The following SMIM14 variants were observed in gnomAD, a reference collection of about 807,000 sequenced individuals.
The protein encoded by SMIM14 is chromosome 4 open reading frame 34.
Under a neutral mutation model 12.6 loss-of-function variants are expected in SMIM14, and 5 were observed. The ratio of observed to expected loss-of-function variants is 0.40; its 90% CI spans 0.21 to 0.83. The LOEUF (loss-of-function observed/expected upper bound fraction) is 0.83, where lower values mean the gene tolerates loss of function less well. Among genes scored for constraint, SMIM14 ranks in the 40% least tolerant of loss-of-function variants. The pLI is 0.37. For synonymous variants in SMIM14, 30 were observed against 40.1 expected (o/e 0.75, Z 0.95); for missense variants, 86 against 119.1 (o/e 0.72, Z 1.29).
chr4:39,621,989 C>T (rs1715513884), intron 1 of SMIM14, among the ~76,000 whole-genome samples: 1 of 151,334 alleles, frequency 6.6e-6, no homozygotes, highest in Non-Finnish European at 1.5e-5. Flanking sequence ...GCCTCATTTT[C>T]TTTCTTAATA....
intron 2 of SMIM14, among the ~76,000 whole-genome samples, chr4:39,582,123 G>A (rs898977298): frequency 1.5e-3 from 230 of 151,774 alleles, no homozygotes; most frequent in Middle Eastern, 3.4e-3. Context: ...TGCCCGCCTC[G>A]GCCTCCCAAA....
At chr4:39,636,173 CAAAAAAA>C (rs749292775) in intron 1 of SMIM14, among the ~76,000 whole-genome samples, 5 of 76,344 alleles carry the variant, frequency 6.5e-5, no homozygotes, top group Admixed American at 1.8e-4. Flanking sequence ...CTCCATCTCC[CAAAAAAA>C]AAAAAAAAAA....
chr4:39,620,487 A>T (rs1715444986), intron 1 of SMIM14, among the ~76,000 whole-genome samples: 1 of 152,076 alleles, frequency 6.6e-6, no homozygotes, highest in South Asian at 2.1e-4. Flanking sequence ...CAAAAAAAAA[A>T]TTATTTAAAA....
chr4:39,558,533 C>A lies in SMIM14; in HGVS notation c.125-1963G>T, dbSNP rs1162295766. On this transcript the variant is annotated intron_variant, in intron 3 of 4. Coordinates refer to ENST00000295958, the MANE Select transcript of SMIM14 (RefSeq NM_174921.3). This position sits in a 1 kb window ranked among gnomAD's most constrained non-coding sequence, Gnocchi z 4.3. ...CCTTTTCAGGCATATACACAGTGGG[C>A]TCCGTGGGAACTTGCATAGGGCGGA... Among the ~76,000 whole-genome samples the A allele has an allele frequency of 6.6e-6, 1 of 152,154 alleles. No individual in the cohort carries two copies. Among genetic ancestry groups the A allele is most frequent in the Non-Finnish European group, 1.5e-5 (1 of 68,018 alleles).
At chr4:39,563,732 T>C (rs893093625) in intron 3 of SMIM14, among the ~76,000 whole-genome samples, 9 of 152,208 alleles carry the variant, frequency 5.9e-5, no homozygotes, top group African/African-American at 1.7e-4. Flanking sequence ...TGGACTAGTA[T>C]AGCATTTCTA....
At chr4:39,576,729 C>T (rs1381262406) in intron 2 of SMIM14, among the ~76,000 whole-genome samples, 6 of 71,632 alleles carry the variant, frequency 8.4e-5, no homozygotes, top group African/African-American at 2.1e-4. Flanking sequence ...TTTTTTGAGA[C>T]GGAGTCTTGC....
chr4:39,627,598 T>C (rs181835603), intron 1 of SMIM14, among the ~76,000 whole-genome samples: 50 of 152,338 alleles, frequency 3.3e-4, no homozygotes, highest in African/African-American at 1.2e-3. Flanking sequence ...GTTTTAAAAC[T>C]TGGGGTCAGT....
intron 2 of SMIM14, among the ~76,000 whole-genome samples, chr4:39,579,847 A>AAG (rs1713406405): frequency 6.6e-6 from 1 of 151,228 alleles, no homozygotes; most frequent in Non-Finnish European, 1.5e-5. Context: ...CCGTCTCAAA[A>AAG]AAAAAAAAAA....
chr4:39,605,221 A>C, intron 1 of SMIM14, 41 bp from the exon 2 acceptor site: 4 of 1,140,850 alleles, frequency 3.5e-6, no homozygotes, highest in Admixed American at 4.5e-5. Context: ...TACAATTCAG[A>C]ATTACTCTTT....
At position 39,638,805 on chromosome 4, in the gene SMIM14, G is replaced by T; in HGVS notation, c.-102C>A. 1 of 985,788 alleles carries T rather than the reference G, an allele frequency of 1.0e-6. No homozygotes were observed. 61.1% of individuals were successfully genotyped at this position (985,788 alleles called of 1,614,324 possible). ...GGGACCGAGGCTCGGCAGAAAGACC[G>T]CCTGGAGCTTCCAGAAGGCTGCGGC... On this transcript the variant is annotated 5_prime_UTR_variant, in exon 1 of 5. Transcript: ENST00000295958.
intron 2 of SMIM14, among the ~76,000 whole-genome samples, chr4:39,573,576 C>T (rs1483239788): frequency 1.3e-5 from 2 of 152,082 alleles, no homozygotes; most frequent in Non-Finnish European, 2.9e-5. Context: ...TCACCCATGA[C>T]ACAAATTCTT....
chr4:39,628,879 C>T (rs1715803237), intron 1 of SMIM14, among the ~76,000 whole-genome samples: 1 of 150,682 alleles, frequency 6.6e-6, no homozygotes, highest in Non-Finnish European at 1.5e-5. Flanking sequence ...ATTACAGGTG[C>T]GTGCCATCAC....
chr4:39,622,226 G>A (rs902955944), intron 1 of SMIM14, among the ~76,000 whole-genome samples: 4 of 151,110 alleles, frequency 2.6e-5, no homozygotes, highest in African/African-American at 9.7e-5. Context: ...TGGGACTACA[G>A]GCACCCGCCA....
chr4:39,579,151 G>A (rs562273594), intron 2 of SMIM14, among the ~76,000 whole-genome samples: 1 of 152,022 alleles, frequency 6.6e-6, no homozygotes. Context: ...GCTCATCCCT[G>A]TAATCCCAGC....
intron 2 of SMIM14, among the ~76,000 whole-genome samples, chr4:39,596,083 T>C (rs1486134229): frequency 1.3e-5 from 2 of 152,038 alleles, no homozygotes; most frequent in Non-Finnish European, 1.5e-5. Context: ...CTTGATTGCA[T>C]ATATAGTGCC....
intron 4 of SMIM14, among the ~76,000 whole-genome samples, chr4:39,553,192 C>G (rs1216495679): frequency 6.6e-6 from 1 of 151,852 alleles, no homozygotes; most frequent in Non-Finnish European, 1.5e-5. Flanking sequence ...TCCCGAGTAG[C>G]TGGGATTACA....
intron 1 of SMIM14, among the ~76,000 whole-genome samples, chr4:39,629,449 A>ATTT (rs10686216): frequency 9.5e-4 from 124 of 129,902 alleles, no homozygotes; most frequent in South Asian, 1.7e-3. Context: ...CTTATAAATG[A>ATTT]TTTTTTTTTT....
chr4:39,573,093 ATTATTATT>A (rs1395260930), intron 2 of SMIM14, among the ~76,000 whole-genome samples: 143 of 145,416 alleles, frequency 9.8e-4, no homozygotes, highest in African/African-American at 3.8e-3. Flanking sequence ...TATTATTATT[ATTATTATT>A]TTATTATTAT....
intron 3 of SMIM14, among the ~76,000 whole-genome samples, chr4:39,562,993 A>C (rs1051965869): frequency 6.6e-6 from 1 of 151,846 alleles, no homozygotes; most frequent in African/African-American, 2.4e-5. Flanking sequence ...GGCCTTACTC[A>C]TCTAATCTTA....
Sources: allele counts gnomAD v4.1 joint callset (sites outside exome capture counted in the v4.1 genomes callset), GRCh38; gene constraint gnomAD v4.1.1; non-coding constraint Gnocchi (gnomAD v3.1); transcripts MANE v1.5; gene names NCBI Gene and HGNC (gene_info 2026-07-23, HGNC 2026-07-21).